NRBP2: variants seen among roughly 807,000 people sequenced by gnomAD.
NRBP2 encodes nuclear receptor-binding protein 2.
A neutral mutation model predicts 74.4 loss-of-function variants in NRBP2; 47 were observed. That is an observed-to-expected ratio of 0.63 (90% CI 0.50 to 0.81). The LOEUF is 0.81. Ranked by LOEUF, NRBP2 falls within the 30% of genes least tolerant of loss-of-function variation. NRBP2 has a pLI of 0.00. For missense variants in NRBP2, 613 were observed against 690.1 expected (o/e 0.89, Z 1.25); for synonymous variants, 312 against 273.8 (o/e 1.14, Z -1.38).
chr8:143,831,055 G>T (rs976419159), downstream of NRBP2, among the ~76,000 whole-genome samples: 7 of 152,176 alleles, frequency 4.6e-5, no homozygotes, highest in Non-Finnish European at 1.0e-4. Context: ...GATGGGAGGT[G>T]GGGGGCTGGT....
At chr8:143,838,138 C>G in intron 10 of NRBP2, 1 of 441,930 alleles carries the variant, frequency 2.3e-6, no homozygotes, top group South Asian at 2.0e-5. Context: ...CAGCCCGGCT[C>G]CAGCTCGCCA....
At position 143,837,251 on chromosome 8, in the gene NRBP2, G is replaced by A. The variant is rs782578714; in HGVS notation, c.1125C>T (p.Val375=). 1 of 1,613,734 alleles carries A rather than the reference G, an allele frequency of 6.2e-7. No homozygotes were observed. The highest frequency in any genetic ancestry group is 2.2e-5 in the East Asian group (1 of 44,862). ...CCCAACCTTACATCAGTTCTCACCT[G>A]ACATCCTCCAGGAATTTGTCCAGCT... The part of the protein sequence containing the change: ...FMELDKFLED[V]RNGIYPLMNF... Residue 375 remains valine, a splice_region_variant and synonymous_variant, in exon 13 of 18, where the codon GTC becomes GTT. Coordinates refer to ENST00000442628, the MANE Select transcript of NRBP2 (RefSeq NM_178564.4). This position sits in a 1 kb window ranked among gnomAD's most constrained non-coding sequence, Gnocchi z 4.3.
At chr8:143,836,241 A>T in intron 14 of NRBP2, 61 bp from the exon 15 acceptor site, 2 of 1,459,326 alleles carry the variant, frequency 1.4e-6, no homozygotes, top group Non-Finnish European at 1.8e-6. Context: ...CCGCGGCCCC[A>T]AAGGGGCCGG....
rs782752673 is a variant in NRBP2, at chr8:143,837,608, C to G, written c.973+15G>C. 6.3e-7 allele frequency: 1 copy of G among 1,598,844 alleles called. No homozygotes were observed. The highest frequency in any genetic ancestry group is 8.5e-7 in the Non-Finnish European group (1 of 1,173,282). ...CCACCTCCCCAGCCACCCCCCGGGC[C>G]GGCCTGCTGCTCACACTGGTGCTGG... is the stretch of plus-strand genomic sequence containing the variant. On this transcript the variant is annotated intron_variant, in intron 11 of 17. Transcript: ENST00000442628. This position sits in a 1 kb window ranked among gnomAD's most constrained non-coding sequence, Gnocchi z 4.3.
In NRBP2 at chr8:143,835,779, T is replaced by C. The variant is rs782673831; in HGVS notation, c.1437+41A>G. The C allele has an allele frequency of 1.2e-6, 2 of 1,602,798 alleles. No individual in the cohort carries two copies. Among genetic ancestry groups the C allele is most frequent in the Admixed American group, 3.4e-5 (2 of 58,724 alleles). On this transcript the variant is annotated intron_variant, in intron 17 of 17. Transcript: ENST00000442628. This position sits in a 1 kb window ranked among gnomAD's most constrained non-coding sequence, Gnocchi z 4.9. ...GGACGGAGGGGCGCGGCCTGCCCCG[T>C]GCGCCCCCTCCGCCAGGCCGCGCCG...
chr8:143,831,627 A>G (rs947069035), downstream of NRBP2, among the ~76,000 whole-genome samples: 1 of 152,318 alleles, frequency 6.6e-6, no homozygotes, highest in Non-Finnish European at 1.5e-5. Context: ...TCTCAAAAAA[A>G]CAACAAAAAC....
At chr8:143,832,039 T>C (rs1273313713), downstream of NRBP2, among the ~76,000 whole-genome samples, 2 of 152,214 alleles carry the variant, frequency 1.3e-5, no homozygotes, top group Admixed American at 1.3e-4. Context: ...GTGTAGAAAG[T>C]AGTAGACATA....
chr8:143,836,782 T>TG (rs1413563047), intron 14 of NRBP2, among the ~76,000 whole-genome samples: 1 of 151,322 alleles, frequency 6.6e-6, no homozygotes, highest in Non-Finnish European at 1.5e-5. Context: ...GAAGGATGCT[T>TG]GGAGTAGGTT....
intron 14 of NRBP2, among the ~76,000 whole-genome samples, 170 bp from the exon 15 acceptor site, chr8:143,836,350 CA>C (rs1182403195): frequency 6.6e-6 from 1 of 152,068 alleles, no homozygotes; most frequent in Non-Finnish European, 1.5e-5. Flanking sequence ...GAAGAGTCGA[CA>C]TTAGGGGCTG....
rs1818311101 is a variant in NRBP2, at chr8:143,835,303, GC to G, written c.*358del. The G allele has an allele frequency of 2.7e-6, 1 of 375,924 alleles. No individual in the cohort carries two copies. The highest frequency in any genetic ancestry group is 4.9e-6 in the Non-Finnish European group (1 of 202,194). 23.3% of individuals were successfully genotyped at this position (375,924 alleles called of 1,614,324 possible). On this transcript the variant is annotated 3_prime_UTR_variant, in exon 18 of 18. Transcript: ENST00000442628. The surrounding 1 kb of genome is among the most constrained non-coding windows in gnomAD (Gnocchi z 4.9). The stretch of plus-strand genomic sequence containing the variant: ...GTCCAGGGCTGACCCTCACCCCCAA[GC>G]CCCAGAGCTGGGGTTCCCTACAGGG...
intron 15 of NRBP2, 33 bp from the exon 16 acceptor site, chr8:143,836,063 G>A (rs1554651662): frequency 1.9e-6 from 3 of 1,572,814 alleles, no homozygotes; most frequent in Non-Finnish European, 2.6e-6. Flanking sequence ...TCGGCTGGGG[G>A]TTCAGGGCTC....
chr8:143,835,838 G>T lies in NRBP2; in HGVS notation c.1419C>A (p.His473Gln). The T allele has an allele frequency of 6.2e-7, 1 of 1,602,270 alleles. No homozygotes were observed. The change falls in exon 17 of 18, where the codon CAC becomes CAA. Residue 473 changes from histidine to glutamine, a missense_variant. Physicochemically the swap from His to Gln is conservative, Grantham distance 24 (BLOSUM62 0). Transcript: ENST00000442628. This position sits in a 1 kb window ranked among gnomAD's most constrained non-coding sequence, Gnocchi z 4.9. ...SAQDLASELV[H>Q]YGFLHEDDRM... ...AGCGCACCTCGTGGAGGAAGCCATA[G>T]TGCACGAGCTCCGAGGCGAGGTCCT...
chr8:143,833,227 G>A (rs1818223175), downstream of NRBP2: 1 of 152,188 alleles, frequency 6.6e-6, no homozygotes. Context: ...TGCTTCTTCA[G>A]GAAAGTCTAA....
rs782539644 is a variant in NRBP2 at position 143,837,399 on chromosome 8, C to T, written c.1076+8G>A. On this transcript the variant is annotated splice_region_variant and intron_variant, in intron 12 of 17. Coordinates refer to ENST00000442628, the MANE Select transcript of NRBP2 (RefSeq NM_178564.4). This position sits in a 1 kb window ranked among gnomAD's most constrained non-coding sequence, Gnocchi z 4.3. ...GGGAGGGGAGGCTTCTGGGTGCTGACTGCTCACCGCCACTGCAGCGGGGGC... is the reference window on the plus strand; with the variant it reads ...GGGAGGGGAGGCTTCTGGGTGCTGATTGCTCACCGCCACTGCAGCGGGGGC... The T allele has an allele frequency of 1.9e-6, 3 of 1,585,798 alleles. No individual in the cohort carries two copies. The highest frequency in any genetic ancestry group is 2.6e-6 in the Non-Finnish European group (3 of 1,167,272).
In NRBP2 at chr8:143,839,292, C is replaced by G; in HGVS notation, c.580+22G>C. ...CACCTTCCCCTGCCCCGTTCCCCCA[C>G]CCAGCCCTGCCCCGCCAGCACCGGA... On this transcript the variant is annotated intron_variant, in intron 6 of 17. Coordinates refer to ENST00000442628, the MANE Select transcript of NRBP2 (RefSeq NM_178564.4). The surrounding 1 kb of genome is among the most constrained non-coding windows in gnomAD (Gnocchi z 5.1). 2 of 1,539,882 alleles carry G rather than the reference C, an allele frequency of 1.3e-6. No homozygotes were observed. Among genetic ancestry groups the G allele is most frequent in the South Asian group, 2.4e-5 (2 of 84,374 alleles).
In NRBP2 at chr8:143,835,787, C is replaced by G. The variant is rs1485774546; in HGVS notation, c.1437+33G>C. 15 of 1,602,788 alleles carry G rather than the reference C, an allele frequency of 9.4e-6. No homozygotes were observed. Among genetic ancestry groups the G allele is most frequent in the Non-Finnish European group, 1.2e-5 (14 of 1,175,200 alleles). On this transcript the variant is annotated intron_variant, in intron 17 of 17. Coordinates refer to ENST00000442628, the MANE Select transcript of NRBP2 (RefSeq NM_178564.4). The surrounding 1 kb of genome is among the most constrained non-coding windows in gnomAD (Gnocchi z 4.9). ...GGGCGCGGCCTGCCCCGTGCGCCCC[C>G]TCCGCCAGGCCGCGCCGCACCGCCC...
chr8:143,833,571 AAG>A (rs1348595914), downstream of NRBP2: 3 of 152,222 alleles, frequency 2.0e-5, no homozygotes, highest in Non-Finnish European at 4.4e-5. Context: ...AGAAACAGTT[AAG>A]AGAGTTGAAT....
rs782108050 is a variant in NRBP2 at position 143,837,604 on chromosome 8, G to A, written c.973+19C>T. ...ACCTCCACCTCCCCAGCCACCCCCC[G>A]GGCCGGCCTGCTGCTCACACTGGTG... On this transcript the variant is annotated intron_variant, in intron 11 of 17. Coordinates refer to ENST00000442628, the MANE Select transcript of NRBP2 (RefSeq NM_178564.4). The surrounding 1 kb of genome is among the most constrained non-coding windows in gnomAD (Gnocchi z 4.3). 1.8e-5 allele frequency: 28 copies of A among 1,597,474 alleles called. No homozygotes were observed. The highest frequency in any genetic ancestry group is 1.7e-4 in the Middle Eastern group (1 of 6,038).
chr8:143,840,723 GC>G lies in NRBP2; in HGVS notation c.111del (p.Trp37CysfsTer8). On this transcript the variant is annotated frameshift_variant, in exon 1 of 18. Coordinates refer to ENST00000442628, the MANE Select transcript of NRBP2 (RefSeq NM_178564.4). LOFTEE classifies it high-confidence loss of function. The surrounding 1 kb of genome is among the most constrained non-coding windows in gnomAD (Gnocchi z 5.7). ...GCGCCCACCTGCTCCCGTCGCTTTT[GC>G]CAGCGACCACACGGGCTTTCCTCCA... is the stretch of plus-strand genomic sequence containing the variant. The part of the protein sequence containing the change: ...DILEESPCGR[W>X]QKRREQVNQG... The G allele has an allele frequency of 6.7e-7, 1 of 1,503,378 alleles. No individual in the cohort carries two copies. Among genetic ancestry groups the G allele is most frequent in the African/African-American group, 1.4e-5 (1 of 69,628 alleles). 93.1% of individuals were successfully genotyped at this position (1,503,378 alleles called of 1,614,324 possible). A position where few individuals can be genotyped will look rare whatever the true frequency, so the allele number is the denominator to read the frequency against.
Sources: gnomAD v4.1 joint callset for allele counts (sites outside exome capture counted in the v4.1 genomes callset) on GRCh38, gnomAD v4.1.1 for gene constraint, Gnocchi (gnomAD v3.1) non-coding constraint, MANE v1.5 for transcripts, NCBI Gene and HGNC (gene_info 2026-07-23, HGNC 2026-07-21) for gene names.